Variants in NBAS observed in about 807,000 individuals in gnomAD.
NBAS encodes NBAS subunit of NRZ tethering complex, also known as NAG/BC035112 fusion.
In NBAS, 219 loss-of-function variants were observed where a neutral mutation model predicts 302.5. The observed-to-expected ratio is 0.72, with a 90% confidence interval of 0.65 to 0.81. The LOEUF (loss-of-function observed/expected upper bound fraction) is 0.81, where lower values mean the gene tolerates loss of function less well. Among genes scored for constraint, NBAS ranks in the 30% least tolerant of loss-of-function variants. The pLI is 0.00. For synonymous variants in NBAS, 1,118 were observed against 1,021.6 expected, an observed-to-expected ratio of 1.09 and a Z score of -1.80; for missense variants, 2,932 against 2,841.6, an observed-to-expected ratio of 1.03 and a Z score of -0.72.
At chr2:15,451,024 CTTCATTCATTCA>C (rs143577908) in intron 21 of NBAS, among the ~76,000 whole-genome samples, 9 of 151,342 alleles carry the variant, frequency 5.9e-5, no homozygotes, top group African/African-American at 2.2e-4. Flanking sequence ...GGTAATTTAG[CTTCATTCATTCA>C]TTCATTCATT....
intron 41 of NBAS, among the ~76,000 whole-genome samples, chr2:15,288,491 G>A (rs188486549): frequency 9.0e-4 from 137 of 152,248 alleles, no homozygotes; most frequent in African/African-American, 3.2e-3. Flanking sequence ...AGTGAGGAAC[G>A]TACTGGGTCC....
rs748999533 is a variant in NBAS, at chr2:15,474,263, T to TC, written c.1402dup (p.Glu468GlyfsTer7). 5.0e-6 allele frequency: 8 copies of TC among 1,613,988 alleles called. No homozygotes were observed. Among genetic ancestry groups the TC allele is most frequent in the Non-Finnish European group, 5.9e-6 (7 of 1,179,880 alleles). On this transcript the variant is annotated frameshift_variant, in exon 15 of 52. Coordinates refer to ENST00000281513, the MANE Select transcript of NBAS (RefSeq NM_015909.4). LOFTEE classifies it high-confidence loss of function. ...ATCAGAATCAGAATCCTCTTCTCCTTCATCTTCTTCTCCAGCTCTAGTCTC... is the reference window on the plus strand; with the variant it reads ...ATCAGAATCAGAATCCTCTTCTCCTTCCATCTTCTTCTCCAGCTCTAGTCTC...
chr2:15,254,198 A>G (rs990730593), intron 44 of NBAS, among the ~76,000 whole-genome samples: 3 of 151,990 alleles, frequency 2.0e-5, no homozygotes, highest in Non-Finnish European at 4.4e-5. Flanking sequence ...CCCAGAAGCA[A>G]TTGGGCACCC....
At chr2:14,945,380 G>GTGC in the NBAS span, among the ~76,000 whole-genome samples, 1 of 152,162 alleles carries the variant, frequency 6.6e-6, no homozygotes, top group Non-Finnish European at 1.5e-5. Flanking sequence ...CACAGACACA[G>GTGC]ACCTACATCA....
the NBAS span, among the ~76,000 whole-genome samples, chr2:14,805,816 C>T: frequency 3.9e-5 from 6 of 152,268 alleles, no homozygotes; most frequent in South Asian, 4.2e-4. Context: ...GTTTGGAAAA[C>T]GCCCATTGAT....
chr2:14,842,846 C>CAAAAAAAAAA, the NBAS span, among the ~76,000 whole-genome samples: 11 of 74,020 alleles, frequency 1.5e-4, no homozygotes, highest in Non-Finnish European at 1.8e-4. Flanking sequence ...CAGAAAATGA[C>CAAAAAAAAAA]AAAAAAAAAA....
intron 33 of NBAS, among the ~76,000 whole-genome samples, chr2:15,355,595 G>A (rs911578512): frequency 6.6e-5 from 10 of 152,142 alleles, no homozygotes; most frequent in Admixed American, 5.2e-4. Flanking sequence ...TGGGGGAGGT[G>A]ATTAGATCAT....
At chr2:15,242,066 G>GC (rs1483134711) in intron 44 of NBAS, among the ~76,000 whole-genome samples, 1 of 152,086 alleles carries the variant, frequency 6.6e-6, no homozygotes, top group Non-Finnish European at 1.5e-5. Context: ...CATTCCACTG[G>GC]CAAGTCCTCT....
At chr2:14,834,924 A>G in the NBAS span, among the ~76,000 whole-genome samples, 2 of 152,132 alleles carry the variant, frequency 1.3e-5, no homozygotes, top group African/African-American at 4.8e-5. Flanking sequence ...ACCAAATAGT[A>G]GAGAGGAGAG....
At chr2:14,973,040 C>CGCCA in the NBAS span, among the ~76,000 whole-genome samples, 1 of 152,220 alleles carries the variant, frequency 6.6e-6, no homozygotes, top group African/African-American at 2.4e-5. Flanking sequence ...ATGGCGCTCA[C>CGCCA]GCCACCCTGA....
the NBAS span, among the ~76,000 whole-genome samples, chr2:14,842,761 G>A: frequency 6.7e-6 from 1 of 149,184 alleles, no homozygotes. Context: ...ATTCTACTCA[G>A]ACTCAAAAAC....
intron 40 of NBAS, among the ~76,000 whole-genome samples, chr2:15,303,642 A>G (rs1364909254): frequency 6.6e-6 from 1 of 152,208 alleles, no homozygotes; most frequent in Non-Finnish European, 1.5e-5. Context: ...ATGGAATGTA[A>G]TGGTTTTCTC....
chr2:15,289,460 A>G (rs1670204806), intron 41 of NBAS, among the ~76,000 whole-genome samples: 1 of 152,178 alleles, frequency 6.6e-6, no homozygotes, highest in Non-Finnish European at 1.5e-5. Flanking sequence ...TGGAATGAGA[A>G]TTCCTTGAGA....
chr2:15,375,061 C>CA lies in NBAS; in HGVS notation c.3591-342dup, dbSNP rs1035040015. 5.3e-5 allele frequency among the ~76,000 whole-genome samples: 8 copies of CA among 151,600 alleles called. No homozygotes were observed. The South Asian group carries it at 8.3e-4, about 16-fold the overall frequency. On this transcript the variant is annotated intron_variant, in intron 30 of 51. Coordinates refer to ENST00000281513, the MANE Select transcript of NBAS (RefSeq NM_015909.4). ...GAATGCAAACATTATGATTCTATTACAAAAAAAAATTTTAAAGGATGAAGT... is the reference window on the plus strand; with the variant it reads ...GAATGCAAACATTATGATTCTATTACAAAAAAAAAATTTTAAAGGATGAAGT...
Position 15,478,249 on chromosome 2 carries a change from G to A in NBAS, c.1124C>T (p.Thr375Ile), listed in dbSNP as rs1459225814. 23 of 1,610,712 alleles carry A rather than the reference G, an allele frequency of 1.4e-5. No individual in the cohort carries two copies. The highest frequency in any genetic ancestry group is 1.8e-5 in the Non-Finnish European group (21 of 1,177,200). ...ACCTTTGATTTTTTTTCTCTTCTCAGTAGAGAGCCTCCAATCAGGATTAAG... is the reference window on the plus strand; with the variant it reads ...ACCTTTGATTTTTTTTCTCTTCTCAATAGAGAGCCTCCAATCAGGATTAAG... The part of the protein sequence containing the change: ...DDLNPDWRLS[T>I]EKRKKIKDKE... Residue 375 changes from threonine (T) to isoleucine (I), a missense_variant, in exon 13 of 52, where the codon ACT becomes ATT. Thr to Ile is a moderately conservative substitution (Grantham distance 89). Transcript: ENST00000281513.
the NBAS span, among the ~76,000 whole-genome samples, chr2:15,094,803 GCAGCA>G: frequency 1.3e-5 from 2 of 152,178 alleles, 1 homozygote; most frequent in South Asian, 4.1e-4. Flanking sequence ...GCAGAAAGAT[GCAGCA>G]GGAAGCCGAC....
At chr2:15,347,925 T>G (rs1673170483) in intron 35 of NBAS, among the ~76,000 whole-genome samples, 2 of 152,194 alleles carry the variant, frequency 1.3e-5, no homozygotes, top group African/African-American at 4.8e-5. Context: ...CTAACATAAA[T>G]GCTACTGCAT....
At chr2:14,934,097 G>A in the NBAS span, among the ~76,000 whole-genome samples, 1 of 152,032 alleles carries the variant, frequency 6.6e-6, no homozygotes, top group African/African-American at 2.4e-5. Flanking sequence ...TCCTCAGCCT[G>A]GGAATTTACA....
chr2:15,536,845 C>A (rs1163786439), intron 7 of NBAS, among the ~76,000 whole-genome samples: 1 of 152,028 alleles, frequency 6.6e-6, no homozygotes, highest in Non-Finnish European at 1.5e-5. Context: ...AGAAAAAAAA[C>A]AAAGATAATG....
Sources: gnomAD v4.1 joint callset for allele counts (sites outside exome capture counted in the v4.1 genomes callset) on GRCh38, gnomAD v4.1.1 for gene constraint, MANE v1.5 for transcripts, NCBI Gene and HGNC (gene_info 2026-07-23, HGNC 2026-07-21) for gene names.